The following DSCAM variants were observed in gnomAD, a reference collection of about 807,000 sequenced individuals.
DSCAM encodes cell adhesion molecule DSCAM.
In DSCAM, 47 loss-of-function variants were observed where a neutral mutation model predicts 217.7. The observed-to-expected ratio is 0.22, with a 90% CI of 0.17 to 0.28. The LOEUF (loss-of-function observed/expected upper bound fraction) is 0.28, where lower values mean the gene tolerates loss of function less well. DSCAM is among the 10% of genes least tolerant of loss of function. The pLI is 1.00. For synonymous variants in DSCAM, 1,056 were observed against 1,015.3 expected (o/e 1.04, Z -0.76); for missense variants, 2,080 against 2,618.3 (o/e 0.79, Z 4.49).
intron 1 of DSCAM, among the ~76,000 whole-genome samples, chr21:40,790,738 A>G (rs998947009): frequency 2.0e-5 from 3 of 152,254 alleles, no homozygotes; most frequent in African/African-American, 7.2e-5. Flanking sequence ...GCTATAGCAT[A>G]CAGCACAAAA....
intron 11 of DSCAM, among the ~76,000 whole-genome samples, chr21:40,212,141 T>A (rs1254603998): frequency 6.6e-6 from 1 of 151,988 alleles, no homozygotes; most frequent in Non-Finnish European, 1.5e-5. Flanking sequence ...GGCTAATTTT[T>A]TTATTTTTAG....
At chr21:40,431,205 C>A (rs1465569938) in intron 3 of DSCAM, among the ~76,000 whole-genome samples, 1 of 152,200 alleles carries the variant, frequency 6.6e-6, no homozygotes, top group Non-Finnish European at 1.5e-5. Flanking sequence ...ATGGGGTGTA[C>A]AACTGGCCCC....
intron 10 of DSCAM, among the ~76,000 whole-genome samples, chr21:40,281,650 C>T (rs1484532362): frequency 6.6e-6 from 1 of 152,134 alleles, no homozygotes; most frequent in Non-Finnish European, 1.5e-5. Context: ...TACATGTATG[C>T]TATTAAACTT....
At chr21:40,823,203 T>TTGTGTG (rs3988411) in intron 1 of DSCAM, among the ~76,000 whole-genome samples, 1 of 144,474 alleles carries the variant, frequency 6.9e-6, no homozygotes, top group African/African-American at 2.6e-5. Flanking sequence ...CATACATACA[T>TTGTGTG]TGTGTGTGTG....
chr21:40,060,723 C>A (rs560267737), intron 28 of DSCAM, among the ~76,000 whole-genome samples: 18 of 152,298 alleles, frequency 1.2e-4, no homozygotes, highest in African/African-American at 4.3e-4. Flanking sequence ...TATGTGAAAT[C>A]TCCTCATTTT....
At chr21:40,309,840 A>C (rs2123485217) in intron 9 of DSCAM, among the ~76,000 whole-genome samples, 1 of 152,282 alleles carries the variant, frequency 6.6e-6, no homozygotes, top group African/African-American at 2.4e-5. Context: ...ATAGCCTGTT[A>C]ACTACTCTTC....
In DSCAM at chr21:40,271,753, T is replaced by C. The variant is rs143152255; in HGVS notation, c.2356+4344A>G. Among the ~76,000 whole-genome samples, 68 of 152,322 alleles carry C rather than the reference T, an allele frequency of 4.5e-4. 1 individual carries two copies. The East Asian group carries it at 0.012, about 26-fold the overall frequency. On this transcript the variant is annotated intron_variant, in intron 11 of 32. Coordinates refer to ENST00000400454, the MANE Select transcript of DSCAM (RefSeq NM_001389.5). Reference sequence around the variant, plus strand: ...CTGGTGAGCTGTTAAAGCTTCCCCATGGCAATGCAACTTGATAGCCTATCT... The same window carrying C: ...CTGGTGAGCTGTTAAAGCTTCCCCACGGCAATGCAACTTGATAGCCTATCT...
intron 19 of DSCAM, among the ~76,000 whole-genome samples, chr21:40,125,951 G>A (rs2090088605): frequency 1.3e-5 from 2 of 152,190 alleles, no homozygotes; most frequent in Admixed American, 1.3e-4. Flanking sequence ...ATTCTTGCTG[G>A]ACAGCTTCTC....
chr21:40,211,757 T>C (rs2091186545), intron 11 of DSCAM, among the ~76,000 whole-genome samples: 1 of 152,168 alleles, frequency 6.6e-6, no homozygotes, highest in Non-Finnish European at 1.5e-5. Context: ...TCTAGAAGTG[T>C]TATCACACTT....
At chr21:40,559,995 G>C (rs534941966) in intron 3 of DSCAM, among the ~76,000 whole-genome samples, 5 of 151,988 alleles carry the variant, frequency 3.3e-5, no homozygotes, top group Admixed American at 6.5e-5. Flanking sequence ...GGGTTTCACC[G>C]TGTTAGCCAG....
In DSCAM at chr21:40,580,874, G is replaced by A. The variant is rs2076899888; in HGVS notation, c.508+111936C>T. On this transcript the variant is annotated intron_variant, in intron 3 of 32. Transcript: ENST00000400454. ...TAGCTATGGTGTTTATTAGAAAGAAGTGTATAGGTTTAAATGCATTTCTTT... is the reference window on the plus strand; with the variant it reads ...TAGCTATGGTGTTTATTAGAAAGAAATGTATAGGTTTAAATGCATTTCTTT... 2.0e-5 allele frequency among the ~76,000 whole-genome samples: 3 copies of A among 152,162 alleles called. No homozygotes were observed. The South Asian group carries it at 6.2e-4, about 32-fold the overall frequency.
At chr21:40,688,309 C>T (rs1287957134) in intron 3 of DSCAM, among the ~76,000 whole-genome samples, 3 of 152,312 alleles carry the variant, frequency 2.0e-5, no homozygotes, top group Middle Eastern at 3.4e-3. Flanking sequence ...GCTGGGCTCT[C>T]TTACTGCTGG....
At chr21:40,288,107 C>T (rs1260199758) in intron 10 of DSCAM, among the ~76,000 whole-genome samples, 1 of 152,156 alleles carries the variant, frequency 6.6e-6, no homozygotes, top group African/African-American at 2.4e-5. Context: ...GAGATGTGGA[C>T]AGCTACATAA....
At chr21:40,196,782 T>G (rs185200969) in intron 11 of DSCAM, among the ~76,000 whole-genome samples, 74 of 152,226 alleles carry the variant, frequency 4.9e-4, no homozygotes, top group African/African-American at 1.7e-3. Context: ...GTTGACTGTG[T>G]GCTAAGAACT....
At chr21:40,729,166 A>G (rs1036482259) in intron 1 of DSCAM, among the ~76,000 whole-genome samples, 3 of 152,204 alleles carry the variant, frequency 2.0e-5, no homozygotes, top group Non-Finnish European at 2.9e-5. Flanking sequence ...CCTTATTTTA[A>G]TCCTCAAACT....
At chr21:40,447,734 A>C (rs2075686301) in intron 3 of DSCAM, among the ~76,000 whole-genome samples, 1 of 152,222 alleles carries the variant, frequency 6.6e-6, no homozygotes, top group Non-Finnish European at 1.5e-5. Flanking sequence ...AAGAATAAGC[A>C]CATTTCTGTT....
chr21:40,835,386 C>T (rs2123661769), intron 1 of DSCAM, among the ~76,000 whole-genome samples: 1 of 152,330 alleles, frequency 6.6e-6, no homozygotes. Flanking sequence ...TGCAATTCCC[C>T]TGTCAGAGCT....
chr21:40,776,759 A>G (rs1173673911), intron 1 of DSCAM, among the ~76,000 whole-genome samples: 1 of 152,236 alleles, frequency 6.6e-6, no homozygotes, highest in East Asian at 1.9e-4. Context: ...AGCAATGGGC[A>G]GCAAGGAGCA....
At chr21:40,504,582 A>G (rs1345906058) in intron 3 of DSCAM, among the ~76,000 whole-genome samples, 1 of 152,180 alleles carries the variant, frequency 6.6e-6, no homozygotes, top group African/African-American at 2.4e-5. Flanking sequence ...AAAGAAGAAC[A>G]ACAGAAAAAC....
Sources: gnomAD v4.1 joint callset for allele counts (sites outside exome capture counted in the v4.1 genomes callset) on GRCh38, gnomAD v4.1.1 for gene constraint, MANE v1.5 for transcripts, NCBI Gene and HGNC (gene_info 2026-07-23, HGNC 2026-07-21) for gene names.